The following ARHGAP21 variants were observed in gnomAD, a reference collection of about 807,000 sequenced individuals.
ARHGAP21 encodes the protein rho GTPase-activating protein 21.
ARHGAP21 carries 38 observed loss-of-function variants against 164.6 expected under a neutral mutation model. The observed-to-expected ratio is 0.23, with a 90% confidence interval of 0.18 to 0.30. ARHGAP21 has a LOEUF of 0.30. Among genes scored for constraint, ARHGAP21 ranks in the 10% least tolerant of loss-of-function variants. ARHGAP21 has a pLI of 1.00. For missense variants in ARHGAP21, 1,822 were observed against 2,370.7 expected, an observed-to-expected ratio of 0.77 and a Z score of 4.81; for synonymous variants, 766 against 857.9, an observed-to-expected ratio of 0.89 and a Z score of 1.87.
At chr10:24,590,131 G>A (rs1489470201) in intron 24 of ARHGAP21, 17 of 1,261,064 alleles carry the variant, frequency 1.3e-5, no homozygotes, top group African/African-American at 1.5e-5. Context: ...CAGAATTAAT[G>A]AGCTGAGCCC....
At chr10:24,613,474 A>G (rs1229833742) in intron 9 of ARHGAP21, among the ~76,000 whole-genome samples, 1 of 152,218 alleles carries the variant, frequency 6.6e-6, no homozygotes, top group East Asian at 1.9e-4. Flanking sequence ...TTTAATGGTC[A>G]GTTCTGTGAA....
intron 14 of ARHGAP21, among the ~76,000 whole-genome samples, chr10:24,598,507 G>A (rs367911083): frequency 6.6e-6 from 1 of 152,012 alleles, no homozygotes. Context: ...TATCACAAGC[G>A]GCAGTTACAT....
At chr10:24,590,272 T>C in intron 24 of ARHGAP21, 2 of 1,505,966 alleles carry the variant, frequency 1.3e-6, no homozygotes, top group Middle Eastern at 1.7e-4. Context: ...TTTAAGAAAG[T>C]AGTATTGATC....
chr10:24,595,060 A>C, intron 20 of ARHGAP21, 21 bp from the exon 21 acceptor site: 1 of 1,609,534 alleles, frequency 6.2e-7, no homozygotes, highest in Non-Finnish European at 8.5e-7. Context: ...TTATTTTCAC[A>C]ATGGATTCAG....
rs200470002 is a variant in ARHGAP21, at chr10:24,600,879, C to T, written c.2899G>A (p.Gly967Ser). The T allele has an allele frequency of 5.1e-5, 82 of 1,614,026 alleles. No homozygotes were observed. The highest frequency in any genetic ancestry group is 6.4e-5 in the Non-Finnish European group (76 of 1,180,006). ...TCTTTGTACAGGTAAAGTGAATGAC[C>T]CCGAAGGACAACATACATCTGTTTC... ...PWKQMYVVLR[G>S]HSLYLYKDKR... Residue 967 changes from glycine to serine, a missense_variant, in exon 14 of 26, where the codon GGT (glycine) becomes AGT (serine). Around this residue, in one of 5 missense-constraint regions of ARHGAP21, gnomAD observed 1,090 missense variants for 1,378.9 expected, o/e 0.79. Transcript: ENST00000396432.
chr10:24,675,443 T>C (rs1393958728), intron 2 of ARHGAP21, among the ~76,000 whole-genome samples: 2 of 152,162 alleles, frequency 1.3e-5, no homozygotes, highest in African/African-American at 4.8e-5. Context: ...GTGGAGATTA[T>C]TATGAAGCAG....
At chr10:24,710,134 T>G (rs1844638509) in intron 2 of ARHGAP21, among the ~76,000 whole-genome samples, 2 of 152,186 alleles carry the variant, frequency 1.3e-5, no homozygotes. Context: ...TTCTATATTT[T>G]TCCCTTCCTG....
intron 4 of ARHGAP21, chr10:24,648,714 G>A: frequency 1.3e-6 from 1 of 761,600 alleles, no homozygotes; most frequent in Non-Finnish European, 1.6e-6. Flanking sequence ...CAGAGGCGCA[G>A]GCTGCAGTGA....
At chr10:24,624,341 T>TTTTTTTTTC in intron 7 of ARHGAP21, among the ~76,000 whole-genome samples, 1 of 137,346 alleles carries the variant, frequency 7.3e-6, no homozygotes, top group African/African-American at 2.8e-5. Flanking sequence ...CTAGAACTTT[T>TTTTTTTTTC]TTTTTTTTTT....
Position 24,620,153 on chromosome 10 carries a change from G to A in ARHGAP21, c.1742C>T (p.Ser581Leu), listed in dbSNP as rs1291381409. 1.1e-5 allele frequency: 18 copies of A among 1,613,878 alleles called. No homozygotes were observed. Among genetic ancestry groups the A allele is most frequent in the African/African-American group, 2.7e-5 (2 of 74,992 alleles). Residue 581 changes from serine (S) to leucine (L), a missense_variant, in exon 9 of 26, where the codon TCG becomes TTG. Around this residue, in one of 5 missense-constraint regions of ARHGAP21, gnomAD observed 1,090 missense variants for 1,378.9 expected, o/e 0.79. Coordinates refer to ENST00000396432, the MANE Select transcript of ARHGAP21 (RefSeq NM_020824.4). ...RMSGRGVGSV[S>L]QFKKIPPDLK... ...ATCTGGTGGAATTTTTTTAAACTGC[G>A]ACACAGATCCCACTCCTCTACCACT...
intron 2 of ARHGAP21, among the ~76,000 whole-genome samples, chr10:24,697,711 T>C (rs568015241): frequency 6.6e-6 from 1 of 151,912 alleles, no homozygotes; most frequent in Admixed American, 6.6e-5. Context: ...ATACAAAAAA[T>C]TAGCCGGGCA....
At chr10:24,666,841 C>A in intron 4 of ARHGAP21, 144 bp downstream of exon 4, 2 of 529,478 alleles carry the variant, frequency 3.8e-6, no homozygotes, top group Non-Finnish European at 6.5e-6. Flanking sequence ...CAGTAAAAAA[C>A]ATTTAATTCT....
At chr10:24,592,156 A>ATTTTTT (rs57846258) in intron 21 of ARHGAP21, 144 bp from the exon 22 acceptor site, 6 of 213,696 alleles carry the variant, frequency 2.8e-5, no homozygotes, top group Admixed American at 8.8e-5. Flanking sequence ...TTCTAGCAAG[A>ATTTTTT]TTTTTTTTTT....
Position 24,699,846 on chromosome 10 carries a change from T to C in ARHGAP21, c.63+21991A>G, listed in dbSNP as rs140501324. 5.7e-3 allele frequency among the ~76,000 whole-genome samples: 862 copies of C among 152,298 alleles called. 3 individuals are homozygous for C. Among genetic ancestry groups the C allele is most frequent in the Non-Finnish European group, 8.0e-3 (541 of 68,032 alleles). ...GATATTCATAGCATCTCTGTAGAGT[T>C]GGTTAAATAGTCTGACACATAGTTA... On this transcript the variant is annotated intron_variant, in intron 2 of 25. Coordinates refer to ENST00000396432, the MANE Select transcript of ARHGAP21 (RefSeq NM_020824.4).
At chr10:24,590,785 C>G (rs996798043) in intron 24 of ARHGAP21, 1 of 985,132 alleles carries the variant, frequency 1.0e-6, no homozygotes, top group African/African-American at 1.7e-5. Flanking sequence ...ACCAGTTCAA[C>G]AGATTTAACT....
chr10:24,699,843 A>G (rs1843496799), intron 2 of ARHGAP21, among the ~76,000 whole-genome samples: 1 of 152,144 alleles, frequency 6.6e-6, no homozygotes, highest in South Asian at 2.1e-4. Context: ...ATCTCTGTAG[A>G]GTTGGTTAAA....
chr10:24,646,039 G>T (rs560427985), intron 4 of ARHGAP21, among the ~76,000 whole-genome samples: 1 of 152,194 alleles, frequency 6.6e-6, no homozygotes, highest in Non-Finnish European at 1.5e-5. Context: ...TCACAGGACT[G>T]ACTCAACAGA....
intron 2 of ARHGAP21, among the ~76,000 whole-genome samples, chr10:24,673,688 C>G (rs1179101648): frequency 6.6e-6 from 1 of 151,942 alleles, no homozygotes; most frequent in East Asian, 1.9e-4. Context: ...ATGGTGAAAC[C>G]TCATCTCTAC....
intron 2 of ARHGAP21, among the ~76,000 whole-genome samples, chr10:24,688,341 C>A (rs906082287): frequency 6.6e-6 from 1 of 151,876 alleles, no homozygotes; most frequent in Non-Finnish European, 1.5e-5. Flanking sequence ...TGAAGTGAGC[C>A]GAGATGGCAC....
Sources: allele counts gnomAD v4.1 joint callset (sites outside exome capture counted in the v4.1 genomes callset), GRCh38; gene constraint gnomAD v4.1.1; regional missense constraint gnomAD v4.1.1; transcripts MANE v1.5; gene names NCBI Gene and HGNC (gene_info 2026-07-23, HGNC 2026-07-21).